The following ASIC2 variants were observed in gnomAD, a reference collection of about 807,000 sequenced individuals.
The protein encoded by ASIC2 is acid-sensing ion channel 2.
ASIC2 carries 25 observed loss-of-function variants against 57.3 expected under a neutral mutation model. The observed-to-expected ratio is 0.44, with a 90% CI of 0.32 to 0.61. The LOEUF (loss-of-function observed/expected upper bound fraction) is 0.61, where lower values mean the gene tolerates loss of function less well. Ranked by LOEUF, ASIC2 falls within the 20% of genes least tolerant of loss-of-function variation. The probability of loss-of-function intolerance (pLI) is 0.06; values close to 1 mark genes in which losing one functional copy is unlikely to be tolerated. For synonymous variants in ASIC2, 319 were observed against 307.5 expected (o/e 1.04, Z -0.39); for missense variants, 641 against 738.1 (o/e 0.87, Z 1.52).
intron 1 of ASIC2, among the ~76,000 whole-genome samples, chr17:33,220,348 G>C (rs1275468808): frequency 6.6e-6 from 1 of 152,158 alleles, no homozygotes; most frequent in Non-Finnish European, 1.5e-5. Flanking sequence ...TTTTGCCTCT[G>C]AGAGCTCTAA....
chr17:33,373,399 G>A (rs543068363), intron 1 of ASIC2, among the ~76,000 whole-genome samples: 1 of 152,316 alleles, frequency 6.6e-6, no homozygotes, highest in Admixed American at 6.5e-5. Context: ...AACTTTCAAA[G>A]GAATTTAGTT....
chr17:33,632,423 C>G (rs548301081), intron 1 of ASIC2, among the ~76,000 whole-genome samples: 1 of 152,204 alleles, frequency 6.6e-6, no homozygotes, highest in African/African-American at 2.4e-5. Context: ...CCTGCATGCC[C>G]CAGCACTCAG....
chr17:33,537,098 TA>T (rs1184179800), intron 1 of ASIC2, among the ~76,000 whole-genome samples: 1 of 152,182 alleles, frequency 6.6e-6, no homozygotes, highest in Non-Finnish European at 1.5e-5. Context: ...AGAGTAAAAT[TA>T]AAATTTCTTT....
At chr17:33,723,304 C>A (rs1567698327) in intron 1 of ASIC2, among the ~76,000 whole-genome samples, 1 of 151,974 alleles carries the variant, frequency 6.6e-6, no homozygotes, top group Non-Finnish European at 1.5e-5. Context: ...TCTATGATTC[C>A]ATTTATTTAC....
intron 1 of ASIC2, among the ~76,000 whole-genome samples, chr17:33,568,002 C>A (rs1287866989): frequency 6.6e-6 from 1 of 152,160 alleles, no homozygotes; most frequent in Non-Finnish European, 1.5e-5. Flanking sequence ...TCCTTCTTTT[C>A]ATTACCTTAC....
At chr17:33,519,526 TCCA>T (rs981412427) in intron 1 of ASIC2, among the ~76,000 whole-genome samples, 1 of 152,170 alleles carries the variant, frequency 6.6e-6, no homozygotes, top group Non-Finnish European at 1.5e-5. Context: ...TATGCCACTT[TCCA>T]GGTTCATGGG....
chr17:33,252,053 A>G (rs1459888215), intron 1 of ASIC2, among the ~76,000 whole-genome samples: 1 of 152,186 alleles, frequency 6.6e-6, no homozygotes, highest in African/African-American at 2.4e-5. Flanking sequence ...AGATGGAGTG[A>G]CTTGCCTAAG....
intron 1 of ASIC2, among the ~76,000 whole-genome samples, chr17:33,817,789 C>G (rs932932556): frequency 5.3e-5 from 8 of 152,130 alleles, no homozygotes; most frequent in African/African-American, 1.9e-4. Context: ...TCAGCAGGGA[C>G]AGCTCATTTT....
At chr17:33,019,265 C>T (rs1416922636) in intron 7 of ASIC2, among the ~76,000 whole-genome samples, 1 of 151,878 alleles carries the variant, frequency 6.6e-6, no homozygotes, top group Non-Finnish European at 1.5e-5. Flanking sequence ...GTAGGTGGCT[C>T]TCCCTGTCTA....
At chr17:33,222,885 C>T (rs1907735686) in intron 1 of ASIC2, among the ~76,000 whole-genome samples, 1 of 152,130 alleles carries the variant, frequency 6.6e-6, no homozygotes, top group Non-Finnish European at 1.5e-5. Context: ...CTAGTCTATA[C>T]TAGATAGCCA....
chr17:34,083,862 C>T (rs140045291), intron 1 of ASIC2, among the ~76,000 whole-genome samples: 272 of 152,022 alleles, frequency 1.8e-3, no homozygotes, highest in Middle Eastern at 3.4e-3. Flanking sequence ...CACTTTTTGA[C>T]GGGGTTGTTT....
intron 1 of ASIC2, among the ~76,000 whole-genome samples, chr17:33,566,848 G>T (rs1427432642): frequency 6.6e-6 from 1 of 152,004 alleles, no homozygotes; most frequent in Non-Finnish European, 1.5e-5. Context: ...GTCTCAACTT[G>T]CTCCTCTTAA....
chr17:33,195,647 T>C (rs1476785177), intron 1 of ASIC2, among the ~76,000 whole-genome samples: 3 of 152,294 alleles, frequency 2.0e-5, no homozygotes, highest in African/African-American at 4.8e-5. Flanking sequence ...AATCCAATAA[T>C]TAAAACATAT....
intron 1 of ASIC2, among the ~76,000 whole-genome samples, chr17:33,118,247 A>C (rs2092288418): frequency 6.6e-6 from 1 of 152,224 alleles, no homozygotes; most frequent in African/African-American, 2.4e-5. Context: ...TAACTCTTCA[A>C]GTAGCTCTGA....
chr17:33,232,857 A>G (rs1217826556), intron 1 of ASIC2, among the ~76,000 whole-genome samples: 1 of 152,192 alleles, frequency 6.6e-6, no homozygotes, highest in East Asian at 1.9e-4. Context: ...TGCCCTCTTC[A>G]GTGGTGCTTG....
intron 1 of ASIC2, among the ~76,000 whole-genome samples, chr17:34,105,805 T>C (rs535472237): frequency 3.9e-5 from 6 of 152,182 alleles, no homozygotes; most frequent in Admixed American, 3.9e-4. Context: ...TGAAGGTGAT[T>C]TATATATATT....
chr17:33,818,091 C>T, intron 1 of ASIC2, among the ~76,000 whole-genome samples: 1 of 152,198 alleles, frequency 6.6e-6, no homozygotes, highest in East Asian at 1.9e-4. Flanking sequence ...TCATTCTCTT[C>T]ATCAGCGCAG....
intron 1 of ASIC2, among the ~76,000 whole-genome samples, chr17:34,145,962 G>C (rs1912405819): frequency 6.6e-6 from 1 of 152,234 alleles, no homozygotes; most frequent in Non-Finnish European, 1.5e-5. Flanking sequence ...GGAAAGGGAA[G>C]TTTTCAGAGA....
intron 1 of ASIC2, among the ~76,000 whole-genome samples, chr17:33,198,581 C>G (rs899746960): frequency 6.6e-6 from 1 of 152,192 alleles, no homozygotes; most frequent in Admixed American, 6.5e-5. Context: ...TCCAGGTAGC[C>G]TGACTACAAC....
Sources: allele counts gnomAD v4.1 joint callset (sites outside exome capture counted in the v4.1 genomes callset), GRCh38; gene constraint gnomAD v4.1.1; transcripts MANE v1.5; gene names NCBI Gene and HGNC (gene_info 2026-07-23, HGNC 2026-07-21).